Variants in CCDC57 observed in about 807,000 individuals in gnomAD.
The protein encoded by CCDC57 is coiled-coil domain containing 57.
CCDC57 carries 118 observed loss-of-function variants against 118.9 expected under a neutral mutation model. The ratio of observed to expected loss-of-function variants is 0.99; its 90% CI spans 0.86 to 1.16. The LOEUF (loss-of-function observed/expected upper bound fraction) is 1.16, where lower values mean the gene tolerates loss of function less well. Ranked by LOEUF, CCDC57 falls within the 50% of genes most tolerant of loss-of-function variation. CCDC57 has a pLI of 0.00. For synonymous variants in CCDC57, 527 were observed against 532.9 expected (o/e 0.99, Z 0.15); for missense variants, 1,300 against 1,320.7 (o/e 0.98, Z 0.24).
At chr17:82,134,179 T>A in exon 17 of CCDC57, 3 of 1,333,026 alleles carry the variant, frequency 2.3e-6, no homozygotes, top group Non-Finnish European at 2.9e-6. Context: ...AGGGAGGGCG[T>A]GGTGCAACAG....
chr17:82,128,538 G>A (rs1223285813), exon 18 of CCDC57: 24 of 1,575,162 alleles, frequency 1.5e-5, no homozygotes, highest in Non-Finnish European at 2.1e-5. Context: ...CCTGTGCTGA[G>A]CGGGGCTGGT....
At chr17:82,173,599 C>T (rs984443330) in intron 11 of CCDC57, among the ~76,000 whole-genome samples, 2 of 152,038 alleles carry the variant, frequency 1.3e-5, no homozygotes, top group Non-Finnish European at 2.9e-5. Flanking sequence ...AGCTGAAAGC[C>T]GACATCACAG....
rs1174791158 is a variant in CCDC57, at chr17:82,118,773, G to A, written c.2899+8919C>T. ...CGCTGACTTTTGTTGTGCTGCTGAA[G>A]AATATCTTTCCAGTTTGATGATTTT... is the stretch of plus-strand genomic sequence containing the variant. On this transcript the variant is annotated intron_variant, in intron 19 of 19. Coordinates refer to ENST00000665763, the Ensembl canonical transcript of CCDC57. The surrounding 1 kb of genome is among the most constrained non-coding windows in gnomAD (Gnocchi z 4.7). Among the ~76,000 whole-genome samples the A allele has an allele frequency of 6.6e-6, 1 of 152,048 alleles. No individual in the cohort carries two copies.
intron 11 of CCDC57, among the ~76,000 whole-genome samples, 172 bp from the exon 11 acceptor site, chr17:82,173,032 T>C (rs1177324405): frequency 6.6e-6 from 1 of 151,984 alleles, no homozygotes. Flanking sequence ...CTGACAGAAG[T>C]GCAAATATGA....
At chr17:82,122,453 G>GCTTGTGGTTGCTCTAGGA (rs2036848718) in intron 19 of CCDC57, among the ~76,000 whole-genome samples, 1 of 152,148 alleles carries the variant, frequency 6.6e-6, no homozygotes, top group Non-Finnish European at 1.5e-5. Context: ...GAGGGCAGGT[G>GCTTGTGGTTGCTCTAGGA]CTCGTGGTTG....
chr17:82,180,099 G>C (rs2046019520), intron 9 of CCDC57, among the ~76,000 whole-genome samples: 1 of 152,212 alleles, frequency 6.6e-6, no homozygotes, highest in Non-Finnish European at 1.5e-5. Flanking sequence ...TAAACTTCAG[G>C]GAGTTCGAAT....
chr17:82,117,965 C>G (rs970534143), intron 19 of CCDC57, among the ~76,000 whole-genome samples: 1 of 152,084 alleles, frequency 6.6e-6, no homozygotes, highest in African/African-American at 2.4e-5. Flanking sequence ...GGTTCACTCT[C>G]TTAAGAGCTA....
intron 7 of CCDC57, among the ~76,000 whole-genome samples, chr17:82,191,668 T>A (rs1273326700): frequency 6.6e-6 from 1 of 152,036 alleles, no homozygotes; most frequent in Non-Finnish European, 1.5e-5. Flanking sequence ...TAAACATATT[T>A]TCTAAGATTT....
intron 7 of CCDC57, among the ~76,000 whole-genome samples, chr17:82,191,308 G>A (rs1364216585): frequency 6.6e-6 from 1 of 151,908 alleles, no homozygotes; most frequent in Non-Finnish European, 1.5e-5. Context: ...AAAAGAAACT[G>A]GCATCAGACA....
chr17:82,107,593 G>A (rs1243114482), intron 19 of CCDC57: 2 of 470,644 alleles, frequency 4.2e-6, no homozygotes, highest in Non-Finnish European at 8.8e-6. Flanking sequence ...GGATGGAGTT[G>A]GTCTGCAGGT....
rs1163207978 is a variant in CCDC57 at position 82,141,290 on chromosome 17, T to C, written c.2456-7096A>G. 4.6e-5 allele frequency among the ~76,000 whole-genome samples: 7 copies of C among 152,000 alleles called. No homozygotes were observed. In the East Asian group the frequency reaches 1.4e-3, roughly 29 times the overall value. Reference sequence around the variant, plus strand: ...CCTCTGCCACCCTGGTTCAAGCGATTCTTCTGCCTCAGCCTCCTGAGTAGC... The same window carrying C: ...CCTCTGCCACCCTGGTTCAAGCGATCCTTCTGCCTCAGCCTCCTGAGTAGC... On this transcript the variant is annotated intron_variant, in intron 16 of 19. Coordinates refer to ENST00000665763, the Ensembl canonical transcript of CCDC57.
chr17:82,196,887 T>C (rs1347872503), intron 4 of CCDC57, among the ~76,000 whole-genome samples: 1 of 131,506 alleles, frequency 7.6e-6, no homozygotes, highest in Non-Finnish European at 1.6e-5. Context: ...TCATGACTCC[T>C]GCACCTGCAG....
At chr17:82,190,695 CAAA>C (rs533549239) in intron 7 of CCDC57, among the ~76,000 whole-genome samples, 144 of 49,912 alleles carry the variant, frequency 2.9e-3, no homozygotes, top group African/African-American at 9.4e-3. Flanking sequence ...GACTCTGTCT[CAAA>C]AAAAAAAAAA....
intron 17 of CCDC57, 90 bp from the exon 17 acceptor site, chr17:82,128,687 T>TGTGGGAAG: frequency 9.7e-7 from 1 of 1,033,790 alleles, no homozygotes; most frequent in Non-Finnish European, 1.4e-6. Flanking sequence ...TGGGAAGAAA[T>TGTGGGAAG]GCCTTCCCAC....
chr17:82,196,025 C>T (rs2048257600), intron 4 of CCDC57, among the ~76,000 whole-genome samples: 1 of 152,262 alleles, frequency 6.6e-6, no homozygotes, highest in African/African-American at 2.4e-5. Context: ...CCTGCTGAGT[C>T]TGAGAAATTC....
At chr17:82,176,712 C>G (rs1050612227) in intron 11 of CCDC57, among the ~76,000 whole-genome samples, 12 of 152,180 alleles carry the variant, frequency 7.9e-5, no homozygotes, top group African/African-American at 2.2e-4. Flanking sequence ...TCTGATCACC[C>G]CAACGGTACA....
intron 17 of CCDC57, among the ~76,000 whole-genome samples, chr17:82,132,759 C>CTT (rs71166188): frequency 0.47 from 58,205 of 123,972 alleles, 14,681 homozygotes; most frequent in East Asian, 0.87. Context: ...GACAACCTTG[C>CTT]TTTTTTTTTT....
In CCDC57 at chr17:82,170,507, C is replaced by CAA. The variant is rs35462707; in HGVS notation, c.1882+1192_1882+1193dup. On this transcript the variant is annotated intron_variant, in intron 13 of 19. Coordinates refer to ENST00000665763, the Ensembl canonical transcript of CCDC57. Reference sequence around the variant, plus strand: ...TGGGCAACAGAGCAAGACTCTGTCCCAAAAAAAAAAAAAAAAAAGAGGAAG... The same window carrying CAA: ...TGGGCAACAGAGCAAGACTCTGTCCCAAAAAAAAAAAAAAAAAAAAGAGGAAG... Among the ~76,000 whole-genome samples, 809 of 99,128 alleles carry CAA rather than the reference C, an allele frequency of 8.2e-3. 13 individuals are homozygous for CAA. The highest frequency in any genetic ancestry group is 0.019 in the South Asian group (54 of 2,866). The allele number at this position is 99,128 out of a possible 152,430, so 65.0% of individuals were successfully genotyped here.
intron 8 of CCDC57, among the ~76,000 whole-genome samples, 191 bp downstream of exon 7, chr17:82,188,028 C>T (rs4789731): frequency 0.48 from 69,159 of 144,384 alleles, 16,860 homozygotes; most frequent in East Asian, 0.88. Flanking sequence ...AGAAACTACA[C>T]AATTTCAAAA....
Sources: allele counts gnomAD v4.1 joint callset (sites outside exome capture counted in the v4.1 genomes callset), GRCh38; gene constraint gnomAD v4.1.1; non-coding constraint Gnocchi (gnomAD v3.1); transcripts MANE v1.5; gene names NCBI Gene and HGNC (gene_info 2026-07-23, HGNC 2026-07-21).